KIF16B: variants seen among roughly 807,000 people sequenced by gnomAD.
KIF16B encodes kinesin family member 16B.
Under a neutral mutation model 156.3 loss-of-function variants are expected in KIF16B, and 98 were observed. The ratio of observed to expected loss-of-function variants is 0.63; its 90% CI spans 0.53 to 0.74. The LOEUF (loss-of-function observed/expected upper bound fraction) is 0.74. Ranked by LOEUF, KIF16B falls within the 30% of genes least tolerant of loss-of-function variation. The pLI is 0.00. For missense variants in KIF16B, 1,421 were observed against 1,606.5 expected (o/e 0.88, Z 1.97); for synonymous variants, 564 against 583.7 (o/e 0.97, Z 0.49).
intron 25 of KIF16B, among the ~76,000 whole-genome samples, chr20:16,296,359 G>A (rs2063386112): frequency 6.6e-6 from 1 of 152,156 alleles, no homozygotes; most frequent in Admixed American, 6.5e-5. Flanking sequence ...TAGGTGGAGA[G>A]GAGAAACAAC....
At chr20:16,278,834 C>G (rs558523980) in intron 25 of KIF16B, among the ~76,000 whole-genome samples, 54 of 152,342 alleles carry the variant, frequency 3.5e-4, no homozygotes, top group Admixed American at 2.6e-3. Flanking sequence ...GTCAGGTCCC[C>G]TCTGCTGAGC....
At chr20:16,485,870 T>C (rs976746608) in intron 12 of KIF16B, among the ~76,000 whole-genome samples, 1 of 152,166 alleles carries the variant, frequency 6.6e-6, no homozygotes, top group East Asian at 1.9e-4. Flanking sequence ...TACACACATA[T>C]ATATACACAT....
At position 16,379,086 on chromosome 20, in the gene KIF16B, G is replaced by A. The variant is rs748736065; in HGVS notation, c.2916C>T (p.Thr972=). 29 of 1,611,950 alleles carry A rather than the reference G, an allele frequency of 1.8e-5. No individual in the cohort carries two copies. Among genetic ancestry groups the A allele is most frequent in the Non-Finnish European group, 2.3e-5 (27 of 1,178,734 alleles). The change falls in exon 19 of 26, where the codon ACC becomes ACT. Residue 972 remains threonine, a synonymous_variant. Transcript: ENST00000354981. ...NANQLQKLQA[T]FEFTANIARQ... is the part of the protein sequence containing the mutation. The stretch of plus-strand genomic sequence containing the variant: ...GTGCAATGTTGGCAGTGAATTCAAA[G>A]GTGGCTTGGAGCTTTTGCAGCTGGT...
intron 1 of KIF16B, among the ~76,000 whole-genome samples, chr20:16,530,512 C>T (rs1035242513): frequency 4.6e-5 from 7 of 152,156 alleles, no homozygotes; most frequent in Non-Finnish European, 7.3e-5. Flanking sequence ...GCTAGCAGCA[C>T]GCCAGACAGC....
intron 1 of KIF16B, among the ~76,000 whole-genome samples, chr20:16,552,067 C>T (rs563595237): frequency 6.6e-6 from 1 of 152,366 alleles, no homozygotes; most frequent in African/African-American, 2.4e-5. Flanking sequence ...ACGTCCTCAA[C>T]TCTCAAGCAT....
intron 1 of KIF16B, among the ~76,000 whole-genome samples, chr20:16,562,280 G>T (rs1185755212): frequency 6.6e-6 from 1 of 152,064 alleles, no homozygotes; most frequent in African/African-American, 2.4e-5. Flanking sequence ...TAACCTTAAG[G>T]GATAAACATA....
intron 1 of KIF16B, among the ~76,000 whole-genome samples, chr20:16,551,936 G>C (rs2070683936): frequency 6.6e-6 from 1 of 152,170 alleles, no homozygotes; most frequent in Non-Finnish European, 1.5e-5. Context: ...AAAGAAGGAG[G>C]GTGGGCGTGG....
At chr20:16,377,130 C>T (rs539299721) in intron 19 of KIF16B, among the ~76,000 whole-genome samples, 5 of 152,276 alleles carry the variant, frequency 3.3e-5, no homozygotes, top group African/African-American at 7.2e-5. Flanking sequence ...CAGCCCCATG[C>T]ATCAGCTAAA....
In KIF16B at chr20:16,512,807, C is replaced by A. The variant is rs201661470; in HGVS notation, c.446+19G>T. On this transcript the variant is annotated intron_variant, in intron 5 of 25. Transcript: ENST00000354981. ...CTCTAATCAAGCTCACACACAGTTACCCAGGCCACAGGCCCTACCTGACTT... is the reference window on the plus strand; with the variant it reads ...CTCTAATCAAGCTCACACACAGTTAACCAGGCCACAGGCCCTACCTGACTT... The A allele has an allele frequency of 1.3e-6, 2 of 1,570,748 alleles. No individual in the cohort carries two copies. The highest frequency in any genetic ancestry group is 2.2e-5 in the East Asian group (1 of 44,646).
chr20:16,358,486 A>C (rs2064489489), intron 22 of KIF16B, among the ~76,000 whole-genome samples: 1 of 152,216 alleles, frequency 6.6e-6, no homozygotes, highest in Non-Finnish European at 1.5e-5. Context: ...AGAAGGAAGG[A>C]TAAGATGTGG....
chr20:16,429,791 T>C, intron 13 of KIF16B, 72 bp downstream of exon 13: 2 of 1,308,388 alleles, frequency 1.5e-6, no homozygotes, highest in South Asian at 2.9e-5. Flanking sequence ...TAGAATATTA[T>C]AATAAACCTA....
chr20:16,490,751 G>T (rs2068265251), intron 12 of KIF16B, among the ~76,000 whole-genome samples: 1 of 152,124 alleles, frequency 6.6e-6, no homozygotes. Context: ...GCAAATAAAA[G>T]TCTGTTTTTT....
chr20:16,489,429 A>C (rs1051505894), intron 12 of KIF16B, among the ~76,000 whole-genome samples: 7 of 152,136 alleles, frequency 4.6e-5, no homozygotes, highest in African/African-American at 1.7e-4. Context: ...AGTGTGTCTA[A>C]ATCAACACTG....
intron 24 of KIF16B, among the ~76,000 whole-genome samples, chr20:16,335,578 A>G (rs941197869): frequency 6.6e-6 from 1 of 152,210 alleles, no homozygotes; most frequent in Non-Finnish European, 1.5e-5. Context: ...AGTTATTTTA[A>G]TTTTAATAGG....
At chr20:16,318,359 T>C (rs1424608104) in intron 24 of KIF16B, among the ~76,000 whole-genome samples, 1 of 151,896 alleles carries the variant, frequency 6.6e-6, no homozygotes, top group East Asian at 1.9e-4. Context: ...CATCTCTAAA[T>C]AGAGCCCAAA....
chr20:16,491,692 G>C (rs560338963), intron 12 of KIF16B, among the ~76,000 whole-genome samples: 1 of 152,296 alleles, frequency 6.6e-6, no homozygotes, highest in South Asian at 2.1e-4. Flanking sequence ...CAAGTTCTGA[G>C]TTCTGCAGAT....
intron 10 of KIF16B, among the ~76,000 whole-genome samples, chr20:16,503,078 T>C (rs1313033174): frequency 6.6e-6 from 1 of 152,102 alleles, no homozygotes; most frequent in Non-Finnish European, 1.5e-5. Context: ...TAGCCAGGCA[T>C]GGTGGCAGGC....
chr20:16,391,650 AG>A (rs1419628237), intron 17 of KIF16B, among the ~76,000 whole-genome samples: 2 of 152,182 alleles, frequency 1.3e-5, no homozygotes, highest in African/African-American at 4.8e-5. Flanking sequence ...ACAGGCCAGG[AG>A]GGGATGTGTG....
intron 17 of KIF16B, among the ~76,000 whole-genome samples, chr20:16,397,464 C>T (rs2065536970): frequency 6.6e-6 from 1 of 152,142 alleles, no homozygotes; most frequent in Non-Finnish European, 1.5e-5. Context: ...AAGAACTTTG[C>T]TTTTAAAACT....
Sources: allele counts gnomAD v4.1 joint callset (sites outside exome capture counted in the v4.1 genomes callset), GRCh38; gene constraint gnomAD v4.1.1; transcripts MANE v1.5; gene names NCBI Gene and HGNC (gene_info 2026-07-23, HGNC 2026-07-21).